SLCO2B1: variants seen among roughly 807,000 people sequenced by gnomAD.
The protein encoded by SLCO2B1 is solute carrier organic anion transporter family member 2B1.
SLCO2B1 carries 41 observed loss-of-function variants against 67.3 expected under a neutral mutation model. The observed-to-expected ratio is 0.61, with a 90% CI of 0.47 to 0.79. The LOEUF (loss-of-function observed/expected upper bound fraction) is 0.79. SLCO2B1 is among the 30% of genes least tolerant of loss of function. The probability of loss-of-function intolerance (pLI) is 0.00; values close to 1 mark genes in which losing one functional copy is unlikely to be tolerated. For missense variants in SLCO2B1, 837 were observed against 920.1 expected (o/e 0.91, Z 1.17); for synonymous variants, 379 against 381.4 (o/e 0.99, Z 0.07).
At chr11:75,179,754 T>G (rs1950072049) in intron 7 of SLCO2B1, among the ~76,000 whole-genome samples, 1 of 152,172 alleles carries the variant, frequency 6.6e-6, no homozygotes. Context: ...TTTGTTTTTT[T>G]GAAACAGAGT....
Position 75,193,409 on chromosome 11 carries a change from G to A in SLCO2B1, c.1267G>A (p.Val423Met), listed in dbSNP as rs765284410. ...CTGCCTCTCCTTCCCTTCGGTCATC[G>A]TGGGCATCGTGGTGGGTGGCGTCCT... The part of the protein sequence containing the change: ...IGCLSFPSVI[V>M]GIVVGGVLVK... The change falls in exon 9 of 14, where the codon GTG becomes ATG. Residue 423 changes from valine to methionine, a missense_variant. Transcript: ENST00000289575. The surrounding 1 kb of genome is among the most constrained non-coding windows in gnomAD (Gnocchi z 4.2). 18 of 1,613,980 alleles carry A rather than the reference G, an allele frequency of 1.1e-5. No individual in the cohort carries two copies. The highest frequency in any genetic ancestry group is 1.1e-4 in the East Asian group (5 of 44,898).
chr11:75,193,076 T>A lies in SLCO2B1; in HGVS notation c.1076-142T>A. 1 of 641,958 alleles carries A rather than the reference T, an allele frequency of 1.6e-6. No individual in the cohort carries two copies. Among genetic ancestry groups the A allele is most frequent in the Non-Finnish European group, 2.7e-6 (1 of 371,534 alleles). 39.8% of individuals were successfully genotyped at this position (641,958 alleles called of 1,614,324 possible). On this transcript the variant is annotated intron_variant, in intron 8 of 13. Coordinates refer to ENST00000289575, the MANE Select transcript of SLCO2B1 (RefSeq NM_007256.5). This position sits in a 1 kb window ranked among gnomAD's most constrained non-coding sequence, Gnocchi z 4.2. The stretch of plus-strand genomic sequence containing the variant: ...GTAAATGGAATGGAGTCAAGTGGGA[T>A]AAAATTGATTGCAATAGAATTAAGT...
intron 7 of SLCO2B1, among the ~76,000 whole-genome samples, chr11:75,178,673 A>G (rs541573953): frequency 5.9e-4 from 90 of 152,232 alleles, no homozygotes; most frequent in African/African-American, 2.1e-3. Context: ...TTTCTTAGCA[A>G]TTTGCAAGTG....
chr11:75,160,647 G>T (rs75523796), intron 1 of SLCO2B1, among the ~76,000 whole-genome samples: 14 of 152,218 alleles, frequency 9.2e-5, no homozygotes, highest in South Asian at 6.2e-4. Context: ...CCAATTTCCC[G>T]TCTCCTCGTC....
intron 6 of SLCO2B1, among the ~76,000 whole-genome samples, chr11:75,171,947 C>G (rs1338018179): frequency 6.6e-6 from 1 of 152,046 alleles, no homozygotes; most frequent in Non-Finnish European, 1.5e-5. Context: ...GGAGGAGGAG[C>G]AGGTACCTAT....
At chr11:75,181,449 C>A (rs1250124505) in intron 7 of SLCO2B1, among the ~76,000 whole-genome samples, 2 of 150,920 alleles carry the variant, frequency 1.3e-5, no homozygotes, top group Admixed American at 1.3e-4. Flanking sequence ...TGCTGAAAAA[C>A]ACTCTCTTTC....
At chr11:75,195,014 C>T (rs1945080342) in intron 9 of SLCO2B1, among the ~76,000 whole-genome samples, 1 of 152,206 alleles carries the variant, frequency 6.6e-6, no homozygotes. Flanking sequence ...CGACGGTCTC[C>T]CTTCGCTCAG....
chr11:75,195,833 G>T (rs1234423479), intron 9 of SLCO2B1, among the ~76,000 whole-genome samples: 9 of 152,186 alleles, frequency 5.9e-5, no homozygotes, highest in Admixed American at 5.9e-4. Flanking sequence ...AGTCCCAGGG[G>T]ACACCTCCCT....
At chr11:75,178,315 A>G (rs979496362) in intron 7 of SLCO2B1, among the ~76,000 whole-genome samples, 1 of 152,158 alleles carries the variant, frequency 6.6e-6, no homozygotes, top group Non-Finnish European at 1.5e-5. Context: ...GAATGAAGTG[A>G]GGCAAAGTGG....
chr11:75,200,611 GC>G lies in SLCO2B1; in HGVS notation c.1763+229del, dbSNP rs1476010707. The G allele has an allele frequency of 3.2e-5, 15 of 471,224 alleles. No individual in the cohort carries two copies. The East Asian group carries it at 4.5e-4, about 14-fold the overall frequency. The allele number at this position is 471,224 out of a possible 1,614,324, so 29.2% of individuals were successfully genotyped here. On this transcript the variant is annotated intron_variant, in intron 11 of 13. Coordinates refer to ENST00000289575, the MANE Select transcript of SLCO2B1 (RefSeq NM_007256.5). The stretch of plus-strand genomic sequence containing the variant: ...GAGGCTCAGAGAAGTTCAGGAGCTG[GC>G]CCCCATCACATAGCAAGTGTTGGGT...
Position 75,169,667 on chromosome 11 carries a change from G to A in SLCO2B1, c.684G>A (p.Gly228=). ...AHNSNSPLYL[G]ILFAVTMMGP... ...CCTAACTCAGGCTTTGTGTTGTAGG[G>A]ATCCTGTTTGCAGTGACCATGATGG... Residue 228 remains glycine (G), a splice_region_variant and synonymous_variant, in exon 6 of 14, where the codon GGG becomes GGA. Transcript: ENST00000289575. The A allele has an allele frequency of 6.2e-7, 1 of 1,611,238 alleles. No homozygotes were observed.
chr11:75,165,291 G>T (rs892898767), intron 3 of SLCO2B1, among the ~76,000 whole-genome samples: 1 of 152,140 alleles, frequency 6.6e-6, no homozygotes, highest in African/African-American at 2.4e-5. Flanking sequence ...AATTAGCTGA[G>T]CATGGTGGCG....
At chr11:75,182,050 C>A (rs1184206859) in intron 7 of SLCO2B1, among the ~76,000 whole-genome samples, 1 of 152,190 alleles carries the variant, frequency 6.6e-6, no homozygotes, top group East Asian at 1.9e-4. Context: ...TTGGCCCCAG[C>A]CCCTACCCCA....
intron 6 of SLCO2B1, among the ~76,000 whole-genome samples, chr11:75,170,684 C>T (rs533908000): frequency 2.4e-4 from 36 of 152,296 alleles, no homozygotes; most frequent in African/African-American, 4.3e-4. Context: ...AACAGATCTG[C>T]GCAGCTCTGA....
chr11:75,157,537 G>T (rs1038513466), intron 1 of SLCO2B1, among the ~76,000 whole-genome samples: 1 of 152,196 alleles, frequency 6.6e-6, no homozygotes, highest in African/African-American at 2.4e-5. Context: ...GGATGGAGGG[G>T]TTTACCTGGA....
At chr11:75,170,155 A>T (rs1312252457) in intron 6 of SLCO2B1, among the ~76,000 whole-genome samples, 1 of 152,128 alleles carries the variant, frequency 6.6e-6, no homozygotes, top group Admixed American at 6.5e-5. Flanking sequence ...CCCTGTTTTT[A>T]GGGGGAAACA....
Position 75,194,634 on chromosome 11 carries a change from T to C in SLCO2B1, c.1433+1059T>C, listed in dbSNP as rs60445942. ...GCTCTCTAGCCTGGGGCCTCCTGTG[T>C]GCGGAGCCTTGTTCTAGGCACTGCA... On this transcript the variant is annotated intron_variant, in intron 9 of 13. Transcript: ENST00000289575. Among the ~76,000 whole-genome samples the C allele has an allele frequency of 1.7e-3, 253 of 152,246 alleles. 2 individuals are homozygous for C. Among genetic ancestry groups the C allele is most frequent in the African/African-American group, 5.9e-3 (247 of 41,542 alleles).
Position 75,151,285 on chromosome 11 carries a change from C to T in SLCO2B1, c.-97C>T, listed in dbSNP as rs1949684420. On this transcript the variant is annotated 5_prime_UTR_variant, in exon 1 of 14. Transcript: ENST00000289575. ...CCTGCTGTGGCTCACCTGCTGCTGT[C>T]TCCAGGAGCCCCTGAGAAGATTTGC... 4.4e-6 allele frequency: 5 copies of T among 1,143,262 alleles called. No homozygotes were observed. The highest frequency in any genetic ancestry group is 4.0e-5 in the Admixed American group (2 of 50,080). The allele number at this position is 1,143,262 out of a possible 1,614,324, so 70.8% of individuals were successfully genotyped here. A position where few individuals can be genotyped will look rare whatever the true frequency, so the allele number is the denominator to read the frequency against.
chr11:75,197,089 C>G (rs945729116), intron 10 of SLCO2B1, among the ~76,000 whole-genome samples: 1 of 152,254 alleles, frequency 6.6e-6, no homozygotes, highest in Non-Finnish European at 1.5e-5. Context: ...ACACTCCAGT[C>G]TGGGCAACAA....
Sources: gnomAD v4.1 joint callset for allele counts (sites outside exome capture counted in the v4.1 genomes callset) on GRCh38, gnomAD v4.1.1 for gene constraint, Gnocchi (gnomAD v3.1) non-coding constraint, MANE v1.5 for transcripts, NCBI Gene and HGNC (gene_info 2026-07-23, HGNC 2026-07-21) for gene names.